Variants in CTBP2 observed in about 807,000 individuals in gnomAD.
The protein encoded by CTBP2 is C-terminal-binding protein 2.
In CTBP2, 30 loss-of-function variants were observed where a neutral mutation model predicts 80.3. That is an observed-to-expected ratio of 0.37 (90% CI 0.28 to 0.51). The LOEUF is 0.51. Ranked by LOEUF, CTBP2 falls within the 20% of genes least tolerant of loss-of-function variation. The pLI is 0.93. For synonymous variants in CTBP2, 594 were observed against 587.4 expected, an observed-to-expected ratio of 1.01 and a Z score of -0.16; for missense variants, 1,212 against 1,375.3, an observed-to-expected ratio of 0.88 and a Z score of 1.88.
chr10:125,144,169 G>A lies in CTBP2; in HGVS notation c.-206+16150C>T, dbSNP rs189028380. 1.4e-3 allele frequency among the ~76,000 whole-genome samples: 207 copies of A among 152,212 alleles called. 1 individual carries two copies. The highest frequency in any genetic ancestry group is 2.4e-3 in the Admixed American group (37 of 15,290). ...CTCTTTCAAGTTCACCTTTCAACCC[G>A]GGGGACTCCCACCAAAGGCTCCAGA... On this transcript the variant is annotated intron_variant, in intron 1 of 10. Transcript: ENST00000337195.
chr10:125,155,902 A>T (rs1295192760), intron 1 of CTBP2, among the ~76,000 whole-genome samples: 1 of 152,194 alleles, frequency 6.6e-6, no homozygotes, highest in Non-Finnish European at 1.5e-5. Flanking sequence ...ACAGTCTCTA[A>T]AAGTGTATCC....
At chr10:125,049,941 C>G (rs191174810) in intron 2 of CTBP2, among the ~76,000 whole-genome samples, 301 of 152,338 alleles carry the variant, frequency 2.0e-3, no homozygotes, top group Non-Finnish European at 3.4e-3. Flanking sequence ...GTGCACAGCT[C>G]AGCTCCCCAA....
chr10:125,025,918 A>G (rs952171341), intron 1 of CTBP2, among the ~76,000 whole-genome samples: 1 of 152,236 alleles, frequency 6.6e-6, no homozygotes, highest in African/African-American at 2.4e-5. Context: ...ACTTAAGAGA[A>G]GCCGTGTCAA....
intron 3 of CTBP2, among the ~76,000 whole-genome samples, chr10:125,033,942 G>A (rs748345293): frequency 6.6e-6 from 1 of 152,070 alleles, no homozygotes; most frequent in Admixed American, 6.6e-5. Flanking sequence ...GCTGAAAACC[G>A]CAGCTGCAGA....
chr10:125,084,679 G>T (rs111230638), intron 2 of CTBP2, among the ~76,000 whole-genome samples: 1 of 152,110 alleles, frequency 6.6e-6, no homozygotes, highest in Non-Finnish European at 1.5e-5. Context: ...CTCCTTGCCC[G>T]TTCTGTGTCC....
intron 8 of CTBP2, among the ~76,000 whole-genome samples, chr10:124,989,911 A>AT (rs778146631): frequency 1.3e-5 from 2 of 151,814 alleles, no homozygotes; most frequent in Non-Finnish European, 2.9e-5. Context: ...TAGTTTTTGT[A>AT]TTTTTTTGTA....
chr10:125,082,182 C>T (rs114192823), intron 2 of CTBP2, among the ~76,000 whole-genome samples: 1 of 152,240 alleles, frequency 6.6e-6, no homozygotes. Flanking sequence ...CCTCCTCCCC[C>T]CAGGCAGCCT....
rs535310613 is a variant in CTBP2 at position 124,993,851 on chromosome 10, G to A, written c.2531+4C>T. 17 of 1,609,736 alleles carry A rather than the reference G, an allele frequency of 1.1e-5. No homozygotes were observed. The highest frequency in any genetic ancestry group is 8.9e-5 in the East Asian group (4 of 44,802). On this transcript the variant is annotated splice_donor_region_variant and intron_variant, in intron 6 of 8. Coordinates refer to ENST00000309035, the MANE Select transcript of CTBP2 (RefSeq NM_022802.3). Reference sequence around the variant, plus strand: ...TCCTGGTAGGCGGCTGGGGCAACACGCACCTGAAGGGCTCTGACTCATGCA... The same window carrying A: ...TCCTGGTAGGCGGCTGGGGCAACACACACCTGAAGGGCTCTGACTCATGCA...
At chr10:125,029,245 GTT>G (rs34949118), upstream of CTBP2, among the ~76,000 whole-genome samples, 3 of 137,806 alleles carry the variant, frequency 2.2e-5, no homozygotes, top group Non-Finnish European at 4.6e-5. Flanking sequence ...TTGAGACACA[GTT>G]TTTTTTTTTT....
At chr10:125,162,032 G>A (rs1277886659), upstream of CTBP2, among the ~76,000 whole-genome samples, 3 of 152,388 alleles carry the variant, frequency 2.0e-5, no homozygotes, top group Middle Eastern at 3.4e-3. Flanking sequence ...GCCGTGGAGT[G>A]TGGGGTCTTC....
At chr10:125,091,522 C>T (rs1848758232) in intron 2 of CTBP2, among the ~76,000 whole-genome samples, 1 of 152,190 alleles carries the variant, frequency 6.6e-6, no homozygotes, top group Admixed American at 6.5e-5. Flanking sequence ...CCTGTAATCC[C>T]AGCACTTTGG....
chr10:125,150,510 A>C (rs1224736567), intron 1 of CTBP2, among the ~76,000 whole-genome samples: 1 of 152,090 alleles, frequency 6.6e-6, no homozygotes, highest in Non-Finnish European at 1.5e-5. Flanking sequence ...CCCGTGTCCC[A>C]GTCAAAGGCC....
intron 2 of CTBP2, among the ~76,000 whole-genome samples, chr10:125,049,843 A>G (rs1178957015): frequency 3.3e-5 from 5 of 152,242 alleles, no homozygotes; most frequent in African/African-American, 1.2e-4. Flanking sequence ...CAAGTTATAG[A>G]GTCAAACCAA....
At chr10:125,069,598 C>T (rs113218897) in intron 2 of CTBP2, among the ~76,000 whole-genome samples, 37 of 152,116 alleles carry the variant, frequency 2.4e-4, no homozygotes, top group Non-Finnish European at 4.0e-4. Flanking sequence ...CCAGCCTGGG[C>T]GACAGAGTGA....
intron 1 of CTBP2, among the ~76,000 whole-genome samples, chr10:125,152,093 G>A (rs1159535806): frequency 6.6e-6 from 1 of 152,148 alleles, no homozygotes; most frequent in Non-Finnish European, 1.5e-5. Context: ...GGGGGAAGAG[G>A]GCACAGCTGG....
intron 8 of CTBP2, 88 bp from the exon 11 acceptor site, chr10:124,989,786 G>C: frequency 7.8e-7 from 1 of 1,286,226 alleles, no homozygotes; most frequent in Non-Finnish European, 1.0e-6. Context: ...TTTCATAAGA[G>C]ACAGGAGCCC....
At chr10:125,119,102 G>C (rs768210258) in intron 1 of CTBP2, among the ~76,000 whole-genome samples, 13 of 152,302 alleles carry the variant, frequency 8.5e-5, no homozygotes, top group Non-Finnish European at 1.6e-4. Flanking sequence ...GTATCCCAAG[G>C]ACACCTGATC....
chr10:125,052,025 A>C (rs1441014165), intron 2 of CTBP2, among the ~76,000 whole-genome samples: 2 of 152,172 alleles, frequency 1.3e-5, no homozygotes, highest in Non-Finnish European at 2.9e-5. Flanking sequence ...GAACTCTGAG[A>C]AAACACATCT....
At chr10:125,076,101 C>T (rs187669592) in intron 2 of CTBP2, among the ~76,000 whole-genome samples, 1 of 152,302 alleles carries the variant, frequency 6.6e-6, no homozygotes, top group East Asian at 1.9e-4. Flanking sequence ...ACTACTCCCT[C>T]CCTCCCTCCC....
Sources: allele counts gnomAD v4.1 joint callset (sites outside exome capture counted in the v4.1 genomes callset), GRCh38; gene constraint gnomAD v4.1.1; transcripts MANE v1.5; gene names NCBI Gene and HGNC (gene_info 2026-07-23, HGNC 2026-07-21).